The following RBFOX1 variants were observed in gnomAD, a reference collection of about 807,000 sequenced individuals.
RBFOX1 encodes the protein RNA binding fox-1 homolog 1.
RBFOX1 carries 8 observed loss-of-function variants against 57.7 expected under a neutral mutation model. That is an observed-to-expected ratio of 0.14 (90% CI 0.08 to 0.25). The LOEUF is 0.25. Ranked by LOEUF, RBFOX1 falls within the 10% of genes least tolerant of loss-of-function variation. RBFOX1 has a pLI of 1.00. For missense variants in RBFOX1, 611 were observed against 548.5 expected (o/e 1.11, Z -1.14); for synonymous variants, 326 against 222.4 (o/e 1.47, Z -4.15).
At chr16:5,757,856 A>G (rs928118681) in intron 3 of RBFOX1, among the ~76,000 whole-genome samples, 2 of 152,054 alleles carry the variant, frequency 1.3e-5, no homozygotes, top group Admixed American at 1.3e-4. Flanking sequence ...ACTGTGCTAG[A>G]CTACTTCTCT....
intron 1 of RBFOX1, among the ~76,000 whole-genome samples, chr16:6,131,459 C>T (rs2096629161): frequency 6.6e-6 from 1 of 152,182 alleles, no homozygotes; most frequent in Non-Finnish European, 1.5e-5. Context: ...CTTACTACCC[C>T]TTGCTCTAGA....
At chr16:7,001,280 C>T (rs570014370) in intron 3 of RBFOX1, among the ~76,000 whole-genome samples, 1 of 151,962 alleles carries the variant, frequency 6.6e-6, no homozygotes. Context: ...GGAGAGATTC[C>T]TTGCTTTGTG....
At chr16:7,094,275 A>G (rs2061334000) in intron 4 of RBFOX1, among the ~76,000 whole-genome samples, 1 of 152,134 alleles carries the variant, frequency 6.6e-6, no homozygotes, top group Non-Finnish European at 1.5e-5. Context: ...TTCAATACCA[A>G]CAAGATAATT....
At chr16:7,157,269 T>C (rs2077345042) in intron 4 of RBFOX1, among the ~76,000 whole-genome samples, 1 of 152,164 alleles carries the variant, frequency 6.6e-6, no homozygotes, top group Non-Finnish European at 1.5e-5. Flanking sequence ...GCTCTCAAAA[T>C]GGGAAGAAGA....
intron 4 of RBFOX1, among the ~76,000 whole-genome samples, chr16:7,418,926 A>G (rs2098511816): frequency 6.6e-6 from 1 of 151,904 alleles, no homozygotes; most frequent in Non-Finnish European, 1.5e-5. Flanking sequence ...TGTTTTTGAG[A>G]AAGGGTCTCA....
At chr16:7,311,005 C>A (rs921453922) in intron 4 of RBFOX1, among the ~76,000 whole-genome samples, 4 of 152,214 alleles carry the variant, frequency 2.6e-5, no homozygotes, top group Admixed American at 6.5e-5. Flanking sequence ...CGTGTCCGGT[C>A]TGGAATTACT....
At chr16:6,257,455 C>T (rs745600635) in intron 1 of RBFOX1, among the ~76,000 whole-genome samples, 17 of 151,862 alleles carry the variant, frequency 1.1e-4, no homozygotes, top group Admixed American at 3.3e-4. Context: ...CAGGGGCACA[C>T]GTGCAGGTTT....
chr16:6,396,535 G>T (rs115314652), intron 2 of RBFOX1, among the ~76,000 whole-genome samples: 3 of 152,134 alleles, frequency 2.0e-5, no homozygotes, highest in Non-Finnish European at 4.4e-5. Context: ...AGGGGAGCCC[G>T]TGGGAAGCCA....
At chr16:5,377,198 C>T (rs1446010009) in intron 1 of RBFOX1, among the ~76,000 whole-genome samples, 1 of 151,500 alleles carries the variant, frequency 6.6e-6, no homozygotes, top group Non-Finnish European at 1.5e-5. Flanking sequence ...TGCAAATAGT[C>T]AGACATGACA....
chr16:7,399,960 A>C (rs1286541718), intron 4 of RBFOX1, among the ~76,000 whole-genome samples: 1 of 152,202 alleles, frequency 6.6e-6, no homozygotes, highest in South Asian at 2.1e-4. Context: ...TGTACCAGGC[A>C]TTGTGCTAAT....
intron 4 of RBFOX1, among the ~76,000 whole-genome samples, chr16:7,386,884 C>T (rs2097892619): frequency 6.6e-6 from 1 of 152,164 alleles, no homozygotes; most frequent in South Asian, 2.1e-4. Context: ...TCCTCTCCAG[C>T]ATCTGTTGTT....
intron 5 of RBFOX1, among the ~76,000 whole-genome samples, chr16:7,530,624 T>C (rs933735166): frequency 6.6e-6 from 1 of 152,170 alleles, no homozygotes; most frequent in African/African-American, 2.4e-5. Context: ...GTCCCAATCA[T>C]TACTTCTGGG....
chr16:5,880,670 G>T (rs748359467), intron 4 of RBFOX1, among the ~76,000 whole-genome samples: 6 of 152,154 alleles, frequency 3.9e-5, no homozygotes, highest in Non-Finnish European at 8.8e-5. Context: ...TGGGATTGTG[G>T]ATCCTGCAGA....
intron 2 of RBFOX1, among the ~76,000 whole-genome samples, chr16:6,484,326 C>G (rs563398944): frequency 3.3e-5 from 5 of 152,168 alleles, no homozygotes; most frequent in African/African-American, 1.2e-4. Context: ...CGCTGCATAT[C>G]TGTGTAAACA....
chr16:7,075,275 A>C (rs542700840), intron 4 of RBFOX1, among the ~76,000 whole-genome samples: 1 of 152,236 alleles, frequency 6.6e-6, no homozygotes, highest in African/African-American at 2.4e-5. Flanking sequence ...ACCGTCTTCA[A>C]ATGCAAGCAG....
intron 4 of RBFOX1, among the ~76,000 whole-genome samples, chr16:7,375,896 G>C (rs1421199630): frequency 6.6e-6 from 1 of 152,138 alleles, no homozygotes; most frequent in Non-Finnish European, 1.5e-5. Context: ...TTTGCAAAGG[G>C]AAGACCTTGT....
chr16:7,391,939 C>T (rs879581458), intron 4 of RBFOX1, among the ~76,000 whole-genome samples: 1 of 152,178 alleles, frequency 6.6e-6, no homozygotes, highest in Admixed American at 6.5e-5. Flanking sequence ...TTATGCACTC[C>T]ATCGCAGCCT....
rs572935573 is a variant in RBFOX1 at position 6,577,869 on chromosome 16, TTTTA to T, written c.-63-76727_-63-76724del. Reference sequence around the variant, plus strand: ...GCAGGAAGGACTATATGGAAGGATATTTTATTTATTAAACAAACGAGGCAATCAT... The same window carrying T: ...GCAGGAAGGACTATATGGAAGGATATTTTATTAAACAAACGAGGCAATCAT... On this transcript the variant is annotated intron_variant, in intron 2 of 15. Coordinates refer to ENST00000550418, the MANE Select transcript of RBFOX1 (RefSeq NM_018723.4). Among the ~76,000 whole-genome samples, 24 of 152,280 alleles carry T rather than the reference TTTTA, an allele frequency of 1.6e-4. 1 individual carries two copies. In the South Asian group the frequency reaches 5.0e-3, roughly 32 times the overall value.
intron 2 of RBFOX1, among the ~76,000 whole-genome samples, chr16:6,419,710 T>C (rs541257770): frequency 6.6e-6 from 1 of 152,144 alleles, no homozygotes; most frequent in Non-Finnish European, 1.5e-5. Flanking sequence ...TCATAGACTA[T>C]ATGACACATC....
Sources: allele counts gnomAD v4.1 joint callset (sites outside exome capture counted in the v4.1 genomes callset), GRCh38; gene constraint gnomAD v4.1.1; transcripts MANE v1.5; gene names NCBI Gene and HGNC (gene_info 2026-07-23, HGNC 2026-07-21).